The following STXBP5L variants were observed in gnomAD, a reference collection of about 807,000 sequenced individuals.
STXBP5L encodes syntaxin binding protein 5L.
A neutral mutation model predicts 144.5 loss-of-function variants in STXBP5L; 65 were observed. The ratio of observed to expected loss-of-function variants is 0.45; its 90% CI spans 0.37 to 0.55. The LOEUF (loss-of-function observed/expected upper bound fraction) is 0.55. Among genes scored for constraint, STXBP5L ranks in the 20% least tolerant of loss-of-function variants. The pLI is 0.00. For missense variants in STXBP5L, 1,298 were observed against 1,405.5 expected, an observed-to-expected ratio of 0.92 and a Z score of 1.22; for synonymous variants, 505 against 469.6, an observed-to-expected ratio of 1.08 and a Z score of -0.97.
At chr3:121,034,262 A>T (rs989394717) in intron 3 of STXBP5L, among the ~76,000 whole-genome samples, 1 of 152,014 alleles carries the variant, frequency 6.6e-6, no homozygotes, top group Non-Finnish European at 1.5e-5. Flanking sequence ...TATACCCATT[A>T]AGTAATTTCT....
At chr3:121,075,397 C>T (rs2041977155) in intron 5 of STXBP5L, among the ~76,000 whole-genome samples, 1 of 152,206 alleles carries the variant, frequency 6.6e-6, no homozygotes, top group South Asian at 2.1e-4. Context: ...CCAACTAAGG[C>T]TGCTGCCAGC....
rs900030929 is a variant in STXBP5L at position 121,418,275 on chromosome 3, A to G, written c.3227-62A>G. Reference sequence around the variant, plus strand: ...GTAATACTAGTACTTTGTCTTGGTGACAAGCTTGACTGTTTGAATTACTGA... The same window carrying G: ...GTAATACTAGTACTTTGTCTTGGTGGCAAGCTTGACTGTTTGAATTACTGA... On this transcript the variant is annotated intron_variant, in intron 25 of 26. Coordinates refer to ENST00000471454, the MANE Select transcript of STXBP5L (RefSeq NM_001308330.2). The G allele has an allele frequency of 3.0e-5, 46 of 1,511,262 alleles. 1 individual carries two copies. Among genetic ancestry groups the G allele is most frequent in the Non-Finnish European group, 4.0e-5 (45 of 1,119,192 alleles). 93.6% of individuals were successfully genotyped at this position (1,511,262 alleles called of 1,614,324 possible).
rs576432426 is a variant in STXBP5L at position 121,348,796 on chromosome 3, C to A, written c.2177-29920C>A. On this transcript the variant is annotated intron_variant, in intron 20 of 26. Transcript: ENST00000471454. ...GTAGTTTGTACTTCTGTGGGATCGG[C>A]GGTGATATCCCCTTTATCATTATTT... 5.3e-5 allele frequency among the ~76,000 whole-genome samples: 8 copies of A among 151,768 alleles called. No homozygotes were observed. In the East Asian group the frequency reaches 1.3e-3, roughly 26 times the overall value.
chr3:121,279,805 A>C lies in STXBP5L; in HGVS notation c.1959A>C (p.Ile653=). Residue 653 remains isoleucine, a splice_region_variant and synonymous_variant, in exon 19 of 27, where the codon ATA becomes ATC. Coordinates refer to ENST00000471454, the MANE Select transcript of STXBP5L (RefSeq NM_001308330.2). ...TAGTTGTATTTTTTTTCTCTCTTAGAGTTGCATTTGGGAACTGCAATGGGT... is the reference window on the plus strand; with the variant it reads ...TAGTTGTATTTTTTTTCTCTCTTAGCGTTGCATTTGGGAACTGCAATGGGT... ...TSLAVSSAYG[I]VAFGNCNGLA... The C allele has an allele frequency of 1.2e-6, 2 of 1,611,608 alleles. No individual in the cohort carries two copies. Among genetic ancestry groups the C allele is most frequent in the Non-Finnish European group, 1.7e-6 (2 of 1,178,402 alleles).
chr3:121,065,036 C>A (rs1215306493), intron 5 of STXBP5L, among the ~76,000 whole-genome samples: 1 of 151,034 alleles, frequency 6.6e-6, no homozygotes, highest in Non-Finnish European at 1.5e-5. Flanking sequence ...GGATTATTGC[C>A]TCCAGCTGCA....
rs1577078234 is a variant in STXBP5L, at chr3:121,157,469, TCCCCC to T, written c.754-34_754-30del. 3.2e-6 allele frequency: 5 copies of T among 1,539,844 alleles called. No homozygotes were observed. In the Admixed American group the frequency reaches 9.6e-5, roughly 30 times the overall value. Reference sequence around the variant, plus strand: ...GAATGATATAACCTATCTACTTTTTTCCCCCTCTACTTGTTTTAATTGTTATTTTA... The same window carrying T: ...GAATGATATAACCTATCTACTTTTTTTCTACTTGTTTTAATTGTTATTTTA... On this transcript the variant is annotated intron_variant, in intron 8 of 26. Transcript: ENST00000471454.
intron 3 of STXBP5L, among the ~76,000 whole-genome samples, chr3:120,988,048 T>G (rs1021299983): frequency 6.6e-6 from 1 of 151,774 alleles, no homozygotes; most frequent in Admixed American, 6.6e-5. Context: ...CAGTCTTACC[T>G]GATGGTTTTT....
At chr3:120,961,963 A>G (rs1265214748) in intron 3 of STXBP5L, among the ~76,000 whole-genome samples, 2 of 152,192 alleles carry the variant, frequency 1.3e-5, no homozygotes, top group East Asian at 3.9e-4. Flanking sequence ...AATGATTGCC[A>G]TTCCAACTGG....
intron 19 of STXBP5L, among the ~76,000 whole-genome samples, chr3:121,296,995 G>A (rs1179562436): frequency 2.6e-5 from 4 of 152,116 alleles, no homozygotes; most frequent in African/African-American, 7.2e-5. Flanking sequence ...ATCTGAAACA[G>A]CATCCCAACT....
At chr3:121,291,379 C>T (rs1055446851) in intron 19 of STXBP5L, among the ~76,000 whole-genome samples, 3 of 152,050 alleles carry the variant, frequency 2.0e-5, no homozygotes, top group African/African-American at 4.8e-5. Context: ...AGGAAAACTA[C>T]AAAACACTGC....
intron 3 of STXBP5L, among the ~76,000 whole-genome samples, chr3:120,981,569 G>A (rs556987658): frequency 5.7e-4 from 87 of 152,070 alleles, no homozygotes; most frequent in Non-Finnish European, 9.4e-4. Flanking sequence ...GTAAGTTTTC[G>A]ATTCATATTC....
At chr3:120,976,757 C>T (rs967832266) in intron 3 of STXBP5L, among the ~76,000 whole-genome samples, 2 of 152,124 alleles carry the variant, frequency 1.3e-5, no homozygotes, top group East Asian at 1.9e-4. Flanking sequence ...TTTGTTCTCA[C>T]TGGTTTCAAA....
At chr3:121,064,237 C>G (rs550043367) in intron 5 of STXBP5L, among the ~76,000 whole-genome samples, 1 of 152,318 alleles carries the variant, frequency 6.6e-6, no homozygotes, top group African/African-American at 2.4e-5. Context: ...AGTTCCTCAA[C>G]CCCTTGCACT....
intron 7 of STXBP5L, among the ~76,000 whole-genome samples, chr3:121,129,064 A>G (rs934352800): frequency 1.3e-5 from 2 of 152,082 alleles, no homozygotes; most frequent in Non-Finnish European, 2.9e-5. Context: ...TCCTCCAGTT[A>G]GAGGCGAGAC....
chr3:120,988,285 G>A (rs963800363), intron 3 of STXBP5L, among the ~76,000 whole-genome samples: 1 of 151,460 alleles, frequency 6.6e-6, no homozygotes, highest in African/African-American at 2.4e-5. Flanking sequence ...TGCTTTAGCT[G>A]TTTTAATACA....
chr3:121,051,522 T>C (rs1469140342), intron 5 of STXBP5L, among the ~76,000 whole-genome samples: 1 of 152,174 alleles, frequency 6.6e-6, no homozygotes, highest in African/African-American at 2.4e-5. Context: ...GAAATAAAGA[T>C]GTTCTTTGAA....
chr3:121,329,122 A>G (rs894388048), intron 20 of STXBP5L, among the ~76,000 whole-genome samples: 3 of 152,208 alleles, frequency 2.0e-5, no homozygotes, highest in African/African-American at 7.2e-5. Context: ...TAAGAACAAT[A>G]TGGCTTCTCT....
chr3:121,374,044 A>G (rs929951559), intron 20 of STXBP5L, among the ~76,000 whole-genome samples: 1 of 152,118 alleles, frequency 6.6e-6, no homozygotes, highest in African/African-American at 2.4e-5. Flanking sequence ...GGAACCAAGA[A>G]CTGGCCTACT....
At chr3:121,334,403 G>A (rs1441099824) in intron 20 of STXBP5L, among the ~76,000 whole-genome samples, 1 of 151,782 alleles carries the variant, frequency 6.6e-6, no homozygotes, top group East Asian at 1.9e-4. Flanking sequence ...TTTGAGGTCA[G>A]CATCATCCTG....
Sources: allele counts gnomAD v4.1 joint callset (sites outside exome capture counted in the v4.1 genomes callset), GRCh38; gene constraint gnomAD v4.1.1; transcripts MANE v1.5; gene names NCBI Gene and HGNC (gene_info 2026-07-23, HGNC 2026-07-21).